The following TCERG1L variants were observed in gnomAD, a reference collection of about 807,000 sequenced individuals.
TCERG1L encodes the protein transcription elongation regulator 1-like protein.
A neutral mutation model predicts 56.3 loss-of-function variants in TCERG1L; 37 were observed. The observed-to-expected ratio is 0.66, with a 90% CI of 0.51 to 0.87. TCERG1L has a LOEUF of 0.87. TCERG1L is among the 40% of genes least tolerant of loss of function. The pLI, the probability that TCERG1L is intolerant of heterozygous loss-of-function variation, is 0.00. For synonymous variants in TCERG1L, 324 were observed against 326.3 expected (o/e 0.99, Z 0.08); for missense variants, 799 against 774.2 (o/e 1.03, Z -0.38).
intron 10 of TCERG1L, among the ~76,000 whole-genome samples, chr10:131,101,761 C>T (rs1285686677): frequency 1.3e-5 from 2 of 151,938 alleles, no homozygotes; most frequent in Non-Finnish European, 2.9e-5. Flanking sequence ...AGTGCAGTGG[C>T]GTGATCTCGG....
At chr10:131,206,184 G>T (rs2944483) in intron 4 of TCERG1L, among the ~76,000 whole-genome samples, 92,883 of 152,126 alleles carry the variant, frequency 0.61, 28,895 homozygotes, top group East Asian at 0.76. Context: ...ACTGCCAATC[G>T]GGTGTACGCC....
chr10:131,301,427 C>G (rs1846760887), intron 3 of TCERG1L, among the ~76,000 whole-genome samples: 1 of 151,874 alleles, frequency 6.6e-6, no homozygotes, highest in Non-Finnish European at 1.5e-5. Flanking sequence ...TCACATATAT[C>G]CTAAAGGATT....
intron 4 of TCERG1L, among the ~76,000 whole-genome samples, chr10:131,253,652 G>A (rs1846135468): frequency 1.3e-5 from 2 of 152,182 alleles, no homozygotes; most frequent in African/African-American, 4.8e-5. Context: ...GGTGTGCGAT[G>A]AAGGTCTGCG....
chr10:131,298,019 T>C (rs1846716881), intron 3 of TCERG1L, among the ~76,000 whole-genome samples: 2 of 152,112 alleles, frequency 1.3e-5, no homozygotes, highest in Admixed American at 1.3e-4. Flanking sequence ...TTTCATTGAT[T>C]TTCCTTATAT....
intron 1 of TCERG1L, among the ~76,000 whole-genome samples, chr10:131,309,874 A>G (rs1264407643): frequency 7.1e-6 from 1 of 140,828 alleles, no homozygotes; most frequent in Non-Finnish European, 1.5e-5. Flanking sequence ...GCATCTTCTA[A>G]GTTGAAGATC....
At chr10:131,111,616 A>G (rs1845414152) in intron 9 of TCERG1L, among the ~76,000 whole-genome samples, 1 of 142,332 alleles carries the variant, frequency 7.0e-6, no homozygotes, top group Admixed American at 6.9e-5. Context: ...ACCCTCTCTC[A>G]ATGACCCTGC....
chr10:131,109,865 C>T (rs918016938), intron 9 of TCERG1L, among the ~76,000 whole-genome samples: 10 of 152,332 alleles, frequency 6.6e-5, no homozygotes, highest in African/African-American at 1.4e-4. Context: ...TTGTTAGAAA[C>T]GCAGGCGCCA....
At chr10:131,116,155 G>A (rs898048499) in intron 9 of TCERG1L, among the ~76,000 whole-genome samples, 1 of 152,336 alleles carries the variant, frequency 6.6e-6, no homozygotes, top group African/African-American at 2.4e-5. Flanking sequence ...AGCAGGAAAT[G>A]ATAGTCATTG....
chr10:131,208,471 G>A (rs1053337624), intron 4 of TCERG1L, among the ~76,000 whole-genome samples: 1 of 152,204 alleles, frequency 6.6e-6, no homozygotes, highest in Non-Finnish European at 1.5e-5. Context: ...CGGTTCACAG[G>A]CTGCTTCCAC....
chr10:131,149,147 G>C (rs1845836241), intron 6 of TCERG1L, among the ~76,000 whole-genome samples: 1 of 152,250 alleles, frequency 6.6e-6, no homozygotes, highest in Admixed American at 6.5e-5. Context: ...ATGGGAATTT[G>C]CTTTATCTGG....
chr10:131,310,902 G>A (rs1342837632), intron 1 of TCERG1L, among the ~76,000 whole-genome samples: 1 of 152,218 alleles, frequency 6.6e-6, no homozygotes, highest in Non-Finnish European at 1.5e-5. Context: ...TTTCAAGTCT[G>A]GCAGAGACTG....
chr10:131,210,024 C>T (rs1278560840), intron 4 of TCERG1L, among the ~76,000 whole-genome samples: 4 of 152,154 alleles, frequency 2.6e-5, no homozygotes, highest in African/African-American at 4.8e-5. Context: ...AAGCAAGTTT[C>T]TCTAGCTTAC....
At chr10:131,256,944 AGAAAGAAGGAAG>A (rs1226764729) in intron 4 of TCERG1L, among the ~76,000 whole-genome samples, 1 of 92,718 alleles carries the variant, frequency 1.1e-5, no homozygotes, top group Non-Finnish European at 2.2e-5. Flanking sequence ...AGGGAGGAAG[AGAAAGAAGGAAG>A]GAAGGAAGGA....
intron 3 of TCERG1L, among the ~76,000 whole-genome samples, chr10:131,285,213 A>G (rs1846508664): frequency 6.6e-6 from 1 of 151,950 alleles, no homozygotes; most frequent in Non-Finnish European, 1.5e-5. Context: ...CCCTGTCTCT[A>G]CTAAAAATAC....
intron 9 of TCERG1L, among the ~76,000 whole-genome samples, chr10:131,113,870 T>G (rs892318977): frequency 1.4e-5 from 2 of 142,464 alleles, no homozygotes; most frequent in Non-Finnish European, 3.2e-5. Context: ...CAATAAAATG[T>G]CTCTAATGTG....
intron 4 of TCERG1L, among the ~76,000 whole-genome samples, chr10:131,225,730 C>T (rs1845784450): frequency 6.6e-6 from 1 of 151,820 alleles, no homozygotes; most frequent in Admixed American, 6.6e-5. Context: ...CCTGGCACCC[C>T]CAATGTGACC....
chr10:131,225,738 A>G (rs1845784505), intron 4 of TCERG1L, among the ~76,000 whole-genome samples: 1 of 149,670 alleles, frequency 6.7e-6, no homozygotes, highest in African/African-American at 2.4e-5. Flanking sequence ...CCCCAATGTG[A>G]CCCCCCTCCC....
intron 4 of TCERG1L, among the ~76,000 whole-genome samples, chr10:131,226,466 C>T (rs1845791991): frequency 6.6e-5 from 10 of 152,200 alleles, no homozygotes; most frequent in Admixed American, 6.5e-4. Context: ...ACCACCTTTC[C>T]AGAATAGCAG....
At chr10:131,098,939 GGAAA>G (rs1322584068) in intron 10 of TCERG1L, among the ~76,000 whole-genome samples, 1 of 152,148 alleles carries the variant, frequency 6.6e-6, no homozygotes, top group Non-Finnish European at 1.5e-5. Context: ...CTTAACTTGT[GGAAA>G]GAAAGTAAAT....
Sources: allele counts gnomAD v4.1 joint callset (sites outside exome capture counted in the v4.1 genomes callset), GRCh38; gene constraint gnomAD v4.1.1; transcripts MANE v1.5; gene names NCBI Gene and HGNC (gene_info 2026-07-23, HGNC 2026-07-21).